Variants in EYS observed in about 807,000 individuals in gnomAD.
EYS encodes protein eyes shut homolog.
Under a neutral mutation model 282.1 loss-of-function variants are expected in EYS, and 250 were observed. The ratio of observed to expected loss-of-function variants is 0.89; its 90% CI spans 0.80 to 0.98. The LOEUF (loss-of-function observed/expected upper bound fraction) is 0.98, where lower values mean the gene tolerates loss of function less well. Ranked by LOEUF, EYS falls within the 50% of genes least tolerant of loss-of-function variation. The pLI is 0.00. For missense variants in EYS, 4,016 were observed against 3,709.0 expected (o/e 1.08, Z -2.15); for synonymous variants, 1,355 against 1,282.9 (o/e 1.06, Z -1.20).
At chr6:64,348,048 T>C (rs1432681848) in intron 29 of EYS, among the ~76,000 whole-genome samples, 1 of 151,388 alleles carries the variant, frequency 6.6e-6, no homozygotes, top group Admixed American at 6.6e-5. Flanking sequence ...ATATTTAAAA[T>C]TTTTTCTTCC....
chr6:64,437,405 C>A (rs1774789488), intron 27 of EYS, among the ~76,000 whole-genome samples: 1 of 151,636 alleles, frequency 6.6e-6, no homozygotes, highest in Non-Finnish European at 1.5e-5. Context: ...AGGATATATA[C>A]TTACAAGTCT....
chr6:65,454,584 C>T (rs577296772), intron 5 of EYS, among the ~76,000 whole-genome samples: 18 of 151,384 alleles, frequency 1.2e-4, no homozygotes, highest in Non-Finnish European at 2.4e-4. Context: ...AAATCCTTGC[C>T]CAGCCCAAAG....
intron 12 of EYS, among the ~76,000 whole-genome samples, chr6:65,060,230 C>CTTT (rs34441532): frequency 6.8e-6 from 1 of 146,280 alleles, no homozygotes; most frequent in Non-Finnish European, 1.5e-5. Context: ...ACAAGGAAGA[C>CTTT]TTTTTTTTTT....
chr6:63,774,019 A>T (rs1769998723), intron 40 of EYS, among the ~76,000 whole-genome samples: 1 of 152,214 alleles, frequency 6.6e-6, no homozygotes, highest in Admixed American at 6.5e-5. Context: ...TGATAGATTT[A>T]TGTTGTAAAT....
intron 26 of EYS, among the ~76,000 whole-genome samples, chr6:64,439,751 T>C (rs1207010360): frequency 1.3e-5 from 2 of 151,858 alleles, no homozygotes; most frequent in Non-Finnish European, 2.9e-5. Context: ...ATGCTAGAGA[T>C]TATTGAGAGG....
At chr6:64,259,556 C>T (rs1046158855) in intron 30 of EYS, among the ~76,000 whole-genome samples, 1 of 151,650 alleles carries the variant, frequency 6.6e-6, no homozygotes. Flanking sequence ...GGGCAGGAGC[C>T]TAACTTTGAT....
At chr6:65,499,290 C>G (rs1766364939) in intron 2 of EYS, among the ~76,000 whole-genome samples, 1 of 151,600 alleles carries the variant, frequency 6.6e-6, no homozygotes, top group South Asian at 2.1e-4. Context: ...TTATATAAGC[C>G]AAAAAATAAT....
rs143234621 is a variant in EYS at position 65,443,102 on chromosome 6, T to C, written c.863-37735A>G. 5.2e-3 allele frequency among the ~76,000 whole-genome samples: 784 copies of C among 151,620 alleles called. 13 individuals carry two copies. Among genetic ancestry groups the C allele is most frequent in the Middle Eastern group, 0.024 (7 of 294 alleles). On this transcript the variant is annotated intron_variant, in intron 5 of 42. Coordinates refer to ENST00000503581, the MANE Select transcript of EYS (RefSeq NM_001142800.2). ...GTCTATACATACATGCATATGCATATACATATATGTGGATCATATATGTAC... is the reference window on the plus strand; with the variant it reads ...GTCTATACATACATGCATATGCATACACATATATGTGGATCATATATGTAC...
At chr6:64,324,110 G>T (rs1225217439) in intron 29 of EYS, among the ~76,000 whole-genome samples, 1 of 152,090 alleles carries the variant, frequency 6.6e-6, no homozygotes, top group Non-Finnish European at 1.5e-5. Flanking sequence ...GAGCCTTTGG[G>T]ACTCCTCCCT....
At chr6:64,137,754 T>C (rs1774209703) in intron 31 of EYS, among the ~76,000 whole-genome samples, 1 of 152,084 alleles carries the variant, frequency 6.6e-6, no homozygotes, top group Non-Finnish European at 1.5e-5. Context: ...AGTAGTAATA[T>C]CAAAGGTCAC....
chr6:65,395,670 ACT>A (rs1273924020), intron 7 of EYS, among the ~76,000 whole-genome samples: 1 of 152,128 alleles, frequency 6.6e-6, no homozygotes, highest in East Asian at 1.9e-4. Flanking sequence ...ATTGATAAAT[ACT>A]GTTTGTACAT....
Position 65,589,770 on chromosome 6 carries a change from C to A in EYS, c.-333+50008G>T, listed in dbSNP as rs1027732540. On this transcript the variant is annotated intron_variant, in intron 2 of 42. Coordinates refer to ENST00000503581, the MANE Select transcript of EYS (RefSeq NM_001142800.2). The stretch of plus-strand genomic sequence containing the variant: ...GAAAAAACACTTTCTCTGAATGTAG[C>A]ATTTTACCATTTTCCTGACATTTCT... Among the ~76,000 whole-genome samples the A allele has an allele frequency of 4.6e-5, 7 of 151,976 alleles. 1 individual carries two copies. The East Asian group carries it at 1.4e-3, about 30-fold the overall frequency.
chr6:65,135,944 A>G (rs1431271367), intron 12 of EYS, among the ~76,000 whole-genome samples: 1 of 152,088 alleles, frequency 6.6e-6, no homozygotes, highest in African/African-American at 2.4e-5. Flanking sequence ...ATTCTGTAAA[A>G]CATGGTATAT....
chr6:64,327,098 TG>T (rs1338833938), intron 29 of EYS, among the ~76,000 whole-genome samples: 2 of 152,022 alleles, frequency 1.3e-5, no homozygotes, highest in African/African-American at 4.8e-5. Context: ...GAGACCATCA[TG>T]GGGCGTGATG....
At chr6:64,344,044 T>C (rs1438681861) in intron 29 of EYS, among the ~76,000 whole-genome samples, 1 of 152,018 alleles carries the variant, frequency 6.6e-6, no homozygotes, top group African/African-American at 2.4e-5. Context: ...TAACAGGCTC[T>C]GAAATTGAGG....
Position 64,661,888 on chromosome 6 carries a change from T to A in EYS, c.3444-35643A>T, listed in dbSNP as rs1397437223. Among the ~76,000 whole-genome samples, 5 of 141,366 alleles carry A rather than the reference T, an allele frequency of 3.5e-5. No individual in the cohort carries two copies. The Admixed American group carries it at 3.6e-4, about 10-fold the overall frequency. The allele number at this position is 141,366 out of a possible 152,430, so 92.7% of individuals were successfully genotyped here. A position where few individuals can be genotyped will look rare whatever the true frequency, so the allele number is the denominator to read the frequency against. ...CCCAGCCATCCCATTACTGGGTATA[T>A]ACCCAAAGTATTATAAATCATGCTG... is the stretch of plus-strand genomic sequence containing the variant. On this transcript the variant is annotated intron_variant, in intron 22 of 42. Transcript: ENST00000503581.
intron 4 of EYS, among the ~76,000 whole-genome samples, chr6:65,494,289 C>A (rs1766151045): frequency 6.7e-6 from 1 of 150,092 alleles, no homozygotes; most frequent in African/African-American, 2.4e-5. Flanking sequence ...TTATTTTTAT[C>A]TTTTTTGAGA....
At chr6:65,375,021 C>T (rs1765307194) in intron 8 of EYS, among the ~76,000 whole-genome samples, 1 of 152,206 alleles carries the variant, frequency 6.6e-6, no homozygotes, top group Non-Finnish European at 1.5e-5. Context: ...CAGCACAGCG[C>T]TCCAGCTCTG....
At chr6:65,184,296 A>G (rs914836911) in intron 12 of EYS, among the ~76,000 whole-genome samples, 1 of 151,908 alleles carries the variant, frequency 6.6e-6, no homozygotes, top group Non-Finnish European at 1.5e-5. Context: ...ATGCCATAAC[A>G]TGGCAGAAGT....
Sources: gnomAD v4.1 joint callset for allele counts (sites outside exome capture counted in the v4.1 genomes callset) on GRCh38, gnomAD v4.1.1 for gene constraint, MANE v1.5 for transcripts, NCBI Gene and HGNC (gene_info 2026-07-23, HGNC 2026-07-21) for gene names.